SLC9A9: variants seen among roughly 807,000 people sequenced by gnomAD.
SLC9A9 encodes solute carrier family 9 member A9.
In SLC9A9, 62 loss-of-function variants were observed where a neutral mutation model predicts 77.8. That is an observed-to-expected ratio of 0.80 (90% CI 0.65 to 0.98). The LOEUF is 0.98. Among genes scored for constraint, SLC9A9 ranks in the 50% least tolerant of loss-of-function variants. The pLI is 0.00. For missense variants in SLC9A9, 775 were observed against 774.9 expected, an observed-to-expected ratio of 1.00 and a Z score of 0.00; for synonymous variants, 320 against 283.5, an observed-to-expected ratio of 1.13 and a Z score of -1.29.
intron 9 of SLC9A9, among the ~76,000 whole-genome samples, chr3:143,525,348 G>A (rs961929318): frequency 6.6e-6 from 1 of 152,158 alleles, no homozygotes; most frequent in South Asian, 2.1e-4. Flanking sequence ...CCTGTGTGAG[G>A]TAGATTCTAT....
chr3:143,754,431 C>T (rs562927261), intron 4 of SLC9A9, among the ~76,000 whole-genome samples: 2 of 152,236 alleles, frequency 1.3e-5, no homozygotes, highest in South Asian at 2.1e-4. Flanking sequence ...CTCCCAAACA[C>T]GATTATTTTG....
chr3:143,746,048 C>T (rs1454462531), intron 4 of SLC9A9, among the ~76,000 whole-genome samples: 3 of 152,170 alleles, frequency 2.0e-5, no homozygotes, highest in South Asian at 2.1e-4. Flanking sequence ...TGGAAAATGG[C>T]GAGCATAGGC....
chr3:143,435,061 A>G (rs1358232709), intron 12 of SLC9A9, among the ~76,000 whole-genome samples: 1 of 152,122 alleles, frequency 6.6e-6, no homozygotes, highest in African/African-American at 2.4e-5. Flanking sequence ...CAGCTGGGGG[A>G]AAATGGCTTC....
rs1364533129 is a variant in SLC9A9, at chr3:143,762,120, T to G, written c.533+32881A>C. Among the ~76,000 whole-genome samples, 12 of 151,898 alleles carry G rather than the reference T, an allele frequency of 7.9e-5. No homozygotes were observed. In the East Asian group the frequency reaches 2.1e-3, roughly 27 times the overall value. On this transcript the variant is annotated intron_variant, in intron 4 of 15. Coordinates refer to ENST00000316549, the MANE Select transcript of SLC9A9 (RefSeq NM_173653.4). ...AAAACCAAACACCGCATGTTCTCAC[T>G]CATAGGTGGGAATTGAACAATGAGA...
At chr3:143,471,942 G>A (rs772627029) in intron 11 of SLC9A9, among the ~76,000 whole-genome samples, 22 of 152,170 alleles carry the variant, frequency 1.4e-4, no homozygotes, top group African/African-American at 3.9e-4. Flanking sequence ...GCAAGCACTC[G>A]TGCTGCAGAA....
rs776253104 is a variant in SLC9A9 at position 143,834,807 on chromosome 3, G to A, written c.176-2586C>T. On this transcript the variant is annotated intron_variant, in intron 1 of 15. Coordinates refer to ENST00000316549, the MANE Select transcript of SLC9A9 (RefSeq NM_173653.4). Reference sequence around the variant, plus strand: ...AAGAAGCACATTGAAGTGAACAGAGGAAGCTGCTTGCTGCCATTGTGGCAG... The same window carrying A: ...AAGAAGCACATTGAAGTGAACAGAGAAAGCTGCTTGCTGCCATTGTGGCAG... Among the ~76,000 whole-genome samples the A allele has an allele frequency of 3.0e-4, 45 of 152,194 alleles. No homozygotes were observed. In the Middle Eastern group the frequency reaches 0.037, roughly 127 times the overall value.
At chr3:143,385,750 G>A (rs1176706791) in intron 12 of SLC9A9, among the ~76,000 whole-genome samples, 1 of 152,188 alleles carries the variant, frequency 6.6e-6, no homozygotes, top group African/African-American at 2.4e-5. Context: ...TGAGATCACA[G>A]TATGAAGTCC....
At chr3:143,765,477 T>A (rs1371563295) in intron 4 of SLC9A9, among the ~76,000 whole-genome samples, 1 of 152,210 alleles carries the variant, frequency 6.6e-6, no homozygotes, top group Non-Finnish European at 1.5e-5. Context: ...GGCTGTTTAT[T>A]CATTCACTAT....
At chr3:143,451,047 G>C (rs1576507086) in intron 12 of SLC9A9, among the ~76,000 whole-genome samples, 1 of 152,010 alleles carries the variant, frequency 6.6e-6, no homozygotes, top group South Asian at 2.1e-4. Context: ...CAGACAGACA[G>C]TGCCACCAAG....
chr3:143,786,552 T>C lies in SLC9A9; in HGVS notation c.533+8449A>G, dbSNP rs569953312. Among the ~76,000 whole-genome samples, 32 of 152,312 alleles carry C rather than the reference T, an allele frequency of 2.1e-4. 1 individual carries two copies. Among genetic ancestry groups the C allele is most frequent in the African/African-American group, 7.2e-4 (30 of 41,564 alleles). On this transcript the variant is annotated intron_variant, in intron 4 of 15. Coordinates refer to ENST00000316549, the MANE Select transcript of SLC9A9 (RefSeq NM_173653.4). ...ATCTCTGATGATCTCCACAGTCCTCTCCATTCTACCTTTTGTTTCTTTTTC... is the reference window on the plus strand; with the variant it reads ...ATCTCTGATGATCTCCACAGTCCTCCCCATTCTACCTTTTGTTTCTTTTTC...
At chr3:143,549,480 T>TA (rs1190220408) in intron 9 of SLC9A9, among the ~76,000 whole-genome samples, 1 of 152,094 alleles carries the variant, frequency 6.6e-6, no homozygotes, top group Non-Finnish European at 1.5e-5. Flanking sequence ...GAATTAGCAT[T>TA]TATTAAGCTT....
chr3:143,615,271 T>G (rs1166916271), intron 6 of SLC9A9, among the ~76,000 whole-genome samples: 1 of 152,242 alleles, frequency 6.6e-6, no homozygotes. Context: ...AATGCAAGTT[T>G]CATGAGCCTT....
chr3:143,758,303 A>G (rs1010635434), intron 4 of SLC9A9, among the ~76,000 whole-genome samples: 2 of 152,198 alleles, frequency 1.3e-5, no homozygotes, highest in African/African-American at 4.8e-5. Context: ...TAATATGCCT[A>G]TTATATAGTG....
chr3:143,528,551 G>A (rs2036446570), intron 9 of SLC9A9, among the ~76,000 whole-genome samples: 1 of 152,092 alleles, frequency 6.6e-6, no homozygotes, highest in Admixed American at 6.5e-5. Context: ...GGTAGTAGTT[G>A]GTCACCCTAT....
chr3:143,467,278 A>AC (rs1026932368), intron 11 of SLC9A9, 88 bp from the exon 12 acceptor site: 4 of 1,429,646 alleles, frequency 2.8e-6, no homozygotes, highest in Non-Finnish European at 3.9e-6. Flanking sequence ...TGCTGACACA[A>AC]TTTTTTTAAA....
chr3:143,632,770 A>C (rs1189265527), intron 6 of SLC9A9, among the ~76,000 whole-genome samples: 1 of 152,204 alleles, frequency 6.6e-6, no homozygotes, highest in Admixed American at 6.5e-5. Flanking sequence ...CCACACGTTA[A>C]GTGATAAATC....
chr3:143,423,698 A>G (rs1471085539), intron 12 of SLC9A9, among the ~76,000 whole-genome samples: 1 of 152,248 alleles, frequency 6.6e-6, no homozygotes, highest in East Asian at 1.9e-4. Flanking sequence ...ATATTTATAT[A>G]GCTTCAAAGT....
At chr3:143,547,474 C>T (rs185325294) in intron 9 of SLC9A9, among the ~76,000 whole-genome samples, 49 of 152,274 alleles carry the variant, frequency 3.2e-4, no homozygotes, top group African/African-American at 1.2e-3. Context: ...TAGCTAATAC[C>T]GGATACTTCT....
chr3:143,769,789 C>A (rs973459002), intron 4 of SLC9A9, among the ~76,000 whole-genome samples: 1 of 152,138 alleles, frequency 6.6e-6, no homozygotes, highest in Non-Finnish European at 1.5e-5. Flanking sequence ...CTATTCAAAA[C>A]CTTTTCTCCT....
Sources: allele counts gnomAD v4.1 joint callset (sites outside exome capture counted in the v4.1 genomes callset), GRCh38; gene constraint gnomAD v4.1.1; transcripts MANE v1.5; gene names NCBI Gene and HGNC (gene_info 2026-07-23, HGNC 2026-07-21).